The following WFDC3 variants were observed in gnomAD, a reference collection of about 807,000 sequenced individuals.
WFDC3 encodes the protein WAP four-disulfide core domain protein 3.
In WFDC3, 15 loss-of-function variants were observed where a neutral mutation model predicts 25.8. That is an observed-to-expected ratio of 0.58 (90% CI 0.39 to 0.89). WFDC3 has a LOEUF of 0.89. WFDC3 is among the 40% of genes least tolerant of loss of function. WFDC3 has a pLI of 0.00. For synonymous variants in WFDC3, 103 were observed against 107.1 expected (o/e 0.96, Z 0.24); for missense variants, 264 against 289.8 (o/e 0.91, Z 0.65).
chr20:45,776,243 G>GA (rs1980138547), intron 5 of WFDC3, among the ~76,000 whole-genome samples: 1 of 148,358 alleles, frequency 6.7e-6, no homozygotes, highest in Non-Finnish European at 1.5e-5. Context: ...AAATGTTGAA[G>GA]AAAAAAAGGC....
At chr20:45,789,607 G>A (rs115919989) in intron 2 of WFDC3, among the ~76,000 whole-genome samples, 333 of 152,108 alleles carry the variant, frequency 2.2e-3, no homozygotes, top group African/African-American at 7.6e-3. Context: ...CAGATAACGA[G>A]AGAGAAAGGG....
chr20:45,788,971 G>A lies in WFDC3; in HGVS notation c.171C>T (p.Cys57=). 6.2e-6 allele frequency: 10 copies of A among 1,613,738 alleles called. No homozygotes were observed. Among genetic ancestry groups the A allele is most frequent in the African/African-American group, 1.3e-5 (1 of 74,996 alleles). ...DELCPAEQKC[C]TTGCGRICRD... is the part of the protein sequence containing the mutation. ...GGCAGATCCGACCACAGCCTGTGGT[G>A]CAGCACTTCTGTTCAGCCGGACACA... Residue 57 remains cysteine (C), a synonymous_variant, in exon 3 of 7, where the codon TGC becomes TGT. Transcript: ENST00000243938.
intron 4 of WFDC3, among the ~76,000 whole-genome samples, chr20:45,785,786 G>C (rs1403947402): frequency 6.6e-6 from 1 of 152,114 alleles, no homozygotes; most frequent in African/African-American, 2.4e-5. Flanking sequence ...AGAAGGAATA[G>C]AGCAGAGAGC....
chr20:45,788,476 C>T (rs1202672332), intron 3 of WFDC3: 1 of 158,522 alleles, frequency 6.3e-6, no homozygotes, highest in African/African-American at 2.4e-5. Context: ...TTTACTGTAA[C>T]ATTTACTGAC....
At chr20:45,782,539 G>T (rs554110208) in intron 4 of WFDC3, among the ~76,000 whole-genome samples, 1 of 151,848 alleles carries the variant, frequency 6.6e-6, no homozygotes, top group Non-Finnish European at 1.5e-5. Flanking sequence ...CATCATGCCC[G>T]GCTAATTTTT....
intron 4 of WFDC3, among the ~76,000 whole-genome samples, 157 bp downstream of exon 4, chr20:45,787,679 C>T (rs1754982048): frequency 6.6e-6 from 1 of 151,360 alleles, no homozygotes; most frequent in South Asian, 2.1e-4. Context: ...GGCTACATAC[C>T]ACAAATGATT....
chr20:45,790,848 C>A (rs1247326444), intron 1 of WFDC3: 1 of 468,048 alleles, frequency 2.1e-6, no homozygotes, highest in African/African-American at 2.0e-5. Context: ...CCACACAGGC[C>A]ATTCTTGGAC....
Position 45,787,924 on chromosome 20 carries a change from G to C in WFDC3, c.270C>G (p.Ile90Met), listed in dbSNP as rs1177743151. 4 of 1,614,084 alleles carry C rather than the reference G, an allele frequency of 2.5e-6. No individual in the cohort carries two copies. Among genetic ancestry groups the C allele is most frequent in the Middle Eastern group, 1.6e-4 (1 of 6,062 alleles). ...IRKQSCLKRCITDETCPGVKK... is the reference protein window; with the variant it reads ...IRKQSCLKRCMTDETCPGVKK... ...TTACACCTGGACATGTCTCATCAGT[G>C]ATGCACCTTTTCAAACAGGATTGTT... The change falls in exon 4 of 7, where the codon ATC becomes ATG. Residue 90 changes from isoleucine (I) to methionine (M), a missense_variant. Coordinates refer to ENST00000243938, the MANE Select transcript of WFDC3 (RefSeq NM_080614.2).
chr20:45,782,622 C>G (rs546472558), intron 4 of WFDC3, among the ~76,000 whole-genome samples: 1 of 152,080 alleles, frequency 6.6e-6, no homozygotes, highest in Non-Finnish European at 1.5e-5. Flanking sequence ...GTGATCTGCC[C>G]GCATTGGCCT....
chr20:45,779,098 G>C (rs1053373307), intron 4 of WFDC3, among the ~76,000 whole-genome samples: 3 of 152,170 alleles, frequency 2.0e-5, no homozygotes, highest in African/African-American at 7.2e-5. Context: ...CTTGATTTGC[G>C]GTAAAGTACT....
intron 4 of WFDC3, among the ~76,000 whole-genome samples, chr20:45,778,031 C>G (rs1980276810): frequency 6.6e-6 from 1 of 152,158 alleles, no homozygotes; most frequent in South Asian, 2.1e-4. Context: ...CATACCTACT[C>G]TGGGTTTGAC....
intron 5 of WFDC3, among the ~76,000 whole-genome samples, chr20:45,776,321 T>TGTGTGTGTGTGTATG (rs1980151592): frequency 5.4e-5 from 8 of 149,002 alleles, no homozygotes; most frequent in South Asian, 2.1e-4. Flanking sequence ...TGTGTGTGTG[T>TGTGTGTGTGTGTATG]TTCCAGCTGG....
intron 3 of WFDC3, chr20:45,788,377 G>A (rs1196083359): frequency 6.2e-6 from 1 of 160,286 alleles, no homozygotes; most frequent in Non-Finnish European, 1.4e-5. Context: ...GGGAAAAACA[G>A]AAAAAGGAAG....
intron 1 of WFDC3, chr20:45,790,891 A>G (rs1475873924): frequency 2.1e-6 from 1 of 471,126 alleles, no homozygotes; most frequent in Non-Finnish European, 4.4e-6. Context: ...ACCCAAGAGA[A>G]GTTGCTATGT....
chr20:45,777,309 T>A, intron 4 of WFDC3, 100 bp from the exon 5 acceptor site: 3 of 1,144,488 alleles, frequency 2.6e-6, no homozygotes, highest in Non-Finnish European at 3.3e-6. Context: ...TATATTTATA[T>A]ACATATATAA....
chr20:45,788,152 A>G, intron 3 of WFDC3, 170 bp from the exon 4 acceptor site: 1 of 583,882 alleles, frequency 1.7e-6, no homozygotes, highest in Non-Finnish European at 2.7e-6. Context: ...AAAAATACAA[A>G]ATTAGTCGGG....
intron 4 of WFDC3, among the ~76,000 whole-genome samples, chr20:45,778,226 G>A (rs1980284795): frequency 6.6e-6 from 1 of 152,184 alleles, no homozygotes; most frequent in Non-Finnish European, 1.5e-5. Context: ...GAACCTAGAA[G>A]AGAGGTCATC....
intron 1 of WFDC3, 90 bp from the exon 2 acceptor site, chr20:45,790,072 C>T: frequency 1.1e-6 from 1 of 942,986 alleles, no homozygotes; most frequent in Non-Finnish European, 1.7e-6. Flanking sequence ...TAGGGATGGC[C>T]CCAAACCCAG....
intron 5 of WFDC3, among the ~76,000 whole-genome samples, chr20:45,775,813 C>T (rs982975864): frequency 6.6e-6 from 1 of 151,964 alleles, no homozygotes; most frequent in African/African-American, 2.4e-5. Context: ...TCAAATGGTG[C>T]CCCAAAGGGA....
Sources: allele counts gnomAD v4.1 joint callset (sites outside exome capture counted in the v4.1 genomes callset), GRCh38; gene constraint gnomAD v4.1.1; transcripts MANE v1.5; gene names NCBI Gene and HGNC (gene_info 2026-07-23, HGNC 2026-07-21).